The following EZR variants were observed in gnomAD, a reference collection of about 807,000 sequenced individuals.
EZR encodes cytovillin 2.
A neutral mutation model predicts 74.8 loss-of-function variants in EZR; 40 were observed. That is an observed-to-expected ratio of 0.53 (90% CI 0.42 to 0.70). The LOEUF (loss-of-function observed/expected upper bound fraction) is 0.70. Among genes scored for constraint, EZR ranks in the 30% least tolerant of loss-of-function variants. The pLI, the probability that EZR is intolerant of heterozygous loss-of-function variation, is 0.00. For missense variants in EZR, 678 were observed against 755.8 expected, an observed-to-expected ratio of 0.90 and a Z score of 1.21; for synonymous variants, 341 against 283.3, an observed-to-expected ratio of 1.20 and a Z score of -2.05.
At chr6:158,782,824 T>C (rs1314203700) in intron 7 of EZR, among the ~76,000 whole-genome samples, 1 of 152,232 alleles carries the variant, frequency 6.6e-6, no homozygotes, top group East Asian at 1.9e-4. Flanking sequence ...TCTAGGATTA[T>C]GCTGATGTCG....
chr6:158,803,422 G>A (rs1159893233), intron 2 of EZR, among the ~76,000 whole-genome samples: 1 of 149,486 alleles, frequency 6.7e-6, no homozygotes, highest in Non-Finnish European at 1.5e-5. Context: ...TGTAGCTCTG[G>A]CTCTTTAACA....
intron 2 of EZR, among the ~76,000 whole-genome samples, chr6:158,811,805 ACT>A (rs977277883): frequency 2.6e-5 from 4 of 151,348 alleles, no homozygotes; most frequent in African/African-American, 9.7e-5. Flanking sequence ...GGGCCGGGGC[ACT>A]GAGGCTGCAG....
In EZR at chr6:158,766,685, T is replaced by C. The variant is rs746879555; in HGVS notation, c.*229A>G. The C allele has an allele frequency of 3.5e-5, 20 of 570,262 alleles. No homozygotes were observed. The highest frequency in any genetic ancestry group is 5.9e-5 in the Non-Finnish European group (19 of 319,746). The allele number at this position is 570,262 out of a possible 1,614,324, so 35.3% of individuals were successfully genotyped here. On this transcript the variant is annotated 3_prime_UTR_variant, in exon 14 of 14. Transcript: ENST00000367075. ...GCTCCCAGCACAACACAGGAGGTGA[T>C]TCGAGAATAATCGCGAGAATCAGGC...
chr6:158,774,945 T>C (rs1021884345), intron 8 of EZR, among the ~76,000 whole-genome samples: 4 of 151,820 alleles, frequency 2.6e-5, no homozygotes, highest in African/African-American at 9.7e-5. Context: ...CATGGAGCCT[T>C]AGAGTCTGCA....
chr6:158,819,270 C>G (rs979828722), intron 1 of EZR, 47 bp downstream of exon 1: 1 of 153,566 alleles, frequency 6.5e-6, no homozygotes, highest in African/African-American at 2.4e-5. Context: ...CACCAGGAAC[C>G]CCCCGCCCAG....
In EZR at chr6:158,765,814, T is replaced by C. The variant is rs1052453931; in HGVS notation, c.*1100A>G. The C allele has an allele frequency of 6.6e-6, 1 of 152,208 alleles. No individual in the cohort carries two copies. Among genetic ancestry groups the C allele is most frequent in the African/African-American group, 2.4e-5 (1 of 41,432 alleles). The allele number at this position is 152,208 out of a possible 1,614,324, so 9.4% of individuals were successfully genotyped here. On this transcript the variant is annotated 3_prime_UTR_variant, in exon 14 of 14. Coordinates refer to ENST00000367075, the MANE Select transcript of EZR (RefSeq NM_001111077.2). The stretch of plus-strand genomic sequence containing the variant: ...CCACCTGCACATGGCATCTTAGCTG[T>C]GAAGGAGAAAGCAGTGCACGAGAAG...
chr6:158,814,520 C>G (rs963272650), intron 2 of EZR, among the ~76,000 whole-genome samples: 1 of 150,914 alleles, frequency 6.6e-6, no homozygotes, highest in Non-Finnish European at 1.5e-5. Context: ...CTGTGCAGGT[C>G]ACTCCGCTTG....
intron 2 of EZR, among the ~76,000 whole-genome samples, chr6:158,814,119 G>C (rs1200762763): frequency 6.6e-6 from 1 of 152,132 alleles, no homozygotes; most frequent in Non-Finnish European, 1.5e-5. Flanking sequence ...ACCATGTCCT[G>C]GGGACTGGCC....
At chr6:158,812,165 T>C (rs540842880) in intron 2 of EZR, among the ~76,000 whole-genome samples, 1 of 152,304 alleles carries the variant, frequency 6.6e-6, no homozygotes, top group South Asian at 2.1e-4. Context: ...CTTGTTTTTA[T>C]GGCTCTTTTT....
chr6:158,771,264 C>T lies in EZR; in HGVS notation c.939G>A (p.Lys313=), dbSNP rs372721762. 1 of 1,613,360 alleles carries T rather than the reference C, an allele frequency of 6.2e-7. No individual in the cohort carries two copies. The highest frequency in any genetic ancestry group is 1.3e-5 in the African/African-American group (1 of 75,012). The change falls in exon 9 of 14, where the codon AAG becomes AAA. Residue 313 remains lysine, a synonymous_variant. Transcript: ENST00000367075. ...CTCACCGCTCCAGCTGCTTCTGATGCTTCTCCTCCCGGGCCTGGGCCTTCA... is the reference window on the plus strand; with the variant it reads ...CTCACCGCTCCAGCTGCTTCTGATGTTTCTCCTCCCGGGCCTGGGCCTTCA... The part of the protein sequence containing the change: ...QQMKAQAREE[K]HQKQLERQQL...
chr6:158,818,353 C>A (rs1262699924), intron 1 of EZR, 187 bp from the exon 2 acceptor site: 2 of 211,168 alleles, frequency 9.5e-6, no homozygotes, highest in Admixed American at 6.0e-5. Flanking sequence ...CCGGGCCGGG[C>A]CCCCGGCGAG....
At chr6:158,808,724 A>ACTAGGAGGCAGGTATGTTTACCTATTTG (rs1216287219) in intron 2 of EZR, among the ~76,000 whole-genome samples, 2 of 152,118 alleles carry the variant, frequency 1.3e-5, no homozygotes, top group East Asian at 3.8e-4. Flanking sequence ...AAGATTACCC[A>ACTAGGAGGCAGGTATGTTTACCTATTTG]CTAGGAGGCA....
intron 3 of EZR, among the ~76,000 whole-genome samples, chr6:158,789,064 C>G (rs1385493420): frequency 6.6e-6 from 1 of 152,232 alleles, no homozygotes; most frequent in African/African-American, 2.4e-5. Flanking sequence ...ATACAACAGA[C>G]AGCTGTGTGC....
intron 2 of EZR, among the ~76,000 whole-genome samples, chr6:158,794,726 G>C (rs1777032875): frequency 6.6e-6 from 1 of 151,824 alleles, no homozygotes; most frequent in South Asian, 2.1e-4. Context: ...ATAGTAAGCA[G>C]TTAGTCATCC....
At chr6:158,817,156 C>T (rs1777575406) in intron 2 of EZR, among the ~76,000 whole-genome samples, 1 of 152,164 alleles carries the variant, frequency 6.6e-6, no homozygotes, top group Non-Finnish European at 1.5e-5. Flanking sequence ...AAAAAAATTC[C>T]AGATGTATCT....
intron 3 of EZR, among the ~76,000 whole-genome samples, chr6:158,787,582 G>C (rs1424264544): frequency 1.3e-5 from 2 of 152,094 alleles, no homozygotes; most frequent in African/African-American, 4.8e-5. Flanking sequence ...AGTGCGGTGG[G>C]TGCATCGCTG....
At chr6:158,792,467 A>G (rs1353394243) in intron 2 of EZR, among the ~76,000 whole-genome samples, 2 of 152,144 alleles carry the variant, frequency 1.3e-5, no homozygotes, top group African/African-American at 4.8e-5. Context: ...AAAAGCAAGT[A>G]ACTTGTAAAA....
intron 8 of EZR, among the ~76,000 whole-genome samples, chr6:158,772,301 G>A (rs1562491038): frequency 6.6e-6 from 1 of 152,260 alleles, no homozygotes; most frequent in African/African-American, 2.4e-5. Context: ...AGACAGCCAC[G>A]TGCGAGCTCC....
chr6:158,785,083 C>T (rs1159388710), intron 5 of EZR, among the ~76,000 whole-genome samples: 1 of 152,212 alleles, frequency 6.6e-6, no homozygotes, highest in East Asian at 1.9e-4. Flanking sequence ...GTTTGCTATG[C>T]CATGTCCCAC....
Sources: allele counts gnomAD v4.1 joint callset (sites outside exome capture counted in the v4.1 genomes callset), GRCh38; gene constraint gnomAD v4.1.1; transcripts MANE v1.5; gene names NCBI Gene and HGNC (gene_info 2026-07-23, HGNC 2026-07-21).